GLCE: variants seen among roughly 807,000 people sequenced by gnomAD.
GLCE encodes glucuronic acid epimerase.
A neutral mutation model predicts 47.9 loss-of-function variants in GLCE; 19 were observed. That is an observed-to-expected ratio of 0.40 (90% CI 0.28 to 0.58). GLCE has a LOEUF of 0.58. Among genes scored for constraint, GLCE ranks in the 20% least tolerant of loss-of-function variants. The pLI, the probability that GLCE is intolerant of heterozygous loss-of-function variation, is 0.48. For missense variants in GLCE, 556 were observed against 743.3 expected, an observed-to-expected ratio of 0.75 and a Z score of 2.93; for synonymous variants, 245 against 263.4, an observed-to-expected ratio of 0.93 and a Z score of 0.68.
intron 1 of GLCE, among the ~76,000 whole-genome samples, chr15:69,203,969 T>G (rs2052112929): frequency 1.3e-5 from 2 of 152,174 alleles, no homozygotes; most frequent in African/African-American, 4.8e-5. Context: ...AGGAACCAGA[T>G]AGATTAAATA....
intron 1 of GLCE, chr15:69,196,312 A>G (rs1239537245): frequency 6.5e-6 from 1 of 152,802 alleles, no homozygotes; most frequent in African/African-American, 2.4e-5. Flanking sequence ...ATTGGAATAC[A>G]TTATTAAATA....
intron 1 of GLCE, among the ~76,000 whole-genome samples, chr15:69,203,567 AGCTACT>A (rs1380804254): frequency 1.3e-5 from 2 of 152,142 alleles, no homozygotes; most frequent in African/African-American, 2.4e-5. Context: ...AGTGAATTAT[AGCTACT>A]GCACACACAT....
At chr15:69,182,149 G>T (rs755478891) in intron 1 of GLCE, among the ~76,000 whole-genome samples, 1 of 152,052 alleles carries the variant, frequency 6.6e-6, no homozygotes, top group African/African-American at 2.4e-5. Context: ...TTATGTAAGA[G>T]AGTGGCAGAA....
intron 3 of GLCE, among the ~76,000 whole-genome samples, chr15:69,257,402 T>C (rs2052941723): frequency 6.6e-6 from 1 of 152,160 alleles, no homozygotes; most frequent in East Asian, 1.9e-4. Context: ...GCAGTGATAC[T>C]GTCATGGCTT....
chr15:69,267,671 T>C (rs2140458971), intron 4 of GLCE, among the ~76,000 whole-genome samples: 1 of 152,302 alleles, frequency 6.6e-6, no homozygotes, highest in South Asian at 2.1e-4. Flanking sequence ...ATCCATAAAG[T>C]AATAGTAATA....
chr15:69,218,964 CTGCAAATAATACTTTTAAACTGTTT>C (rs1001577152), intron 2 of GLCE, among the ~76,000 whole-genome samples: 1 of 152,038 alleles, frequency 6.6e-6, no homozygotes, highest in Non-Finnish European at 1.5e-5. Flanking sequence ...ACTCATATAG[CTGCAAATAATACTTTTAAACTGTTT>C]TGTCAATAAA....
chr15:69,227,299 A>G, intron 2 of GLCE, among the ~76,000 whole-genome samples: 1 of 152,184 alleles, frequency 6.6e-6, no homozygotes, highest in East Asian at 1.9e-4. Context: ...GGGTATCCAG[A>G]TAATCATTAG....
intron 1 of GLCE, among the ~76,000 whole-genome samples, chr15:69,204,570 C>T (rs986444502): frequency 7.2e-5 from 11 of 152,048 alleles, no homozygotes; most frequent in African/African-American, 2.7e-4. Flanking sequence ...CAAGCATGAG[C>T]CACCTTGCCT....
At chr15:69,166,205 TGCCA>T (rs553481308) in intron 1 of GLCE, among the ~76,000 whole-genome samples, 83 of 152,326 alleles carry the variant, frequency 5.4e-4, no homozygotes, top group Non-Finnish European at 1.0e-3. Flanking sequence ...TTACATACAT[TGCCA>T]TTCATTTTCA....
intron 3 of GLCE, among the ~76,000 whole-genome samples, chr15:69,257,627 G>A (rs1364775778): frequency 6.6e-6 from 1 of 152,154 alleles, no homozygotes; most frequent in African/African-American, 2.4e-5. Context: ...TCACAAACAT[G>A]AGGCACTGTG....
At chr15:69,162,199 T>G (rs1441447892) in intron 1 of GLCE, among the ~76,000 whole-genome samples, 1 of 152,186 alleles carries the variant, frequency 6.6e-6, no homozygotes, top group East Asian at 1.9e-4. Flanking sequence ...GAATTCTGCT[T>G]AACAGTTTCA....
At chr15:69,232,186 A>G (rs2052534750) in intron 2 of GLCE, among the ~76,000 whole-genome samples, 1 of 152,214 alleles carries the variant, frequency 6.6e-6, no homozygotes, top group Non-Finnish European at 1.5e-5. Flanking sequence ...AATTTTAATT[A>G]TTTGAGAATG....
Position 69,240,306 on chromosome 15 carries a change from A to T in GLCE, c.-13-15488A>T, listed in dbSNP as rs199542137. Among the ~76,000 whole-genome samples the T allele has an allele frequency of 5.7e-4, 11 of 19,344 alleles. No homozygotes were observed. The Admixed American group carries it at 8.6e-3, about 15-fold the overall frequency. 12.7% of individuals were successfully genotyped at this position (19,344 alleles called of 152,430 possible). A position where few individuals can be genotyped will look rare whatever the true frequency, so the allele number is the denominator to read the frequency against. ...CTCAAAAAAAAAAAAAAAAAAAAAA[A>T]AAAAGAAAAGAAATATTGAGGAGAC... On this transcript the variant is annotated intron_variant, in intron 2 of 4. Coordinates refer to ENST00000261858, the MANE Select transcript of GLCE (RefSeq NM_015554.3).
At chr15:69,243,221 A>G (rs951496119) in intron 2 of GLCE, among the ~76,000 whole-genome samples, 1 of 152,146 alleles carries the variant, frequency 6.6e-6, no homozygotes, top group Non-Finnish European at 1.5e-5. Context: ...ATGAATTTCC[A>G]CACCTGAGCT....
At chr15:69,254,137 G>A (rs1171577720) in intron 2 of GLCE, among the ~76,000 whole-genome samples, 2 of 152,098 alleles carry the variant, frequency 1.3e-5, no homozygotes, top group Admixed American at 6.6e-5. Flanking sequence ...GATTAAAAAC[G>A]ATAAAATTAG....
chr15:69,197,061 A>G, intron 1 of GLCE: 1 of 330,484 alleles, frequency 3.0e-6, no homozygotes, highest in Admixed American at 3.2e-5. Context: ...ACATCTGAGA[A>G]GTATGCTCAA....
rs1345059856 is a variant in GLCE at position 69,245,309 on chromosome 15, G to C, written c.-13-10485G>C. The stretch of plus-strand genomic sequence containing the variant: ...GATCACATCACTGCACTCCAGCCTG[G>C]GAGACAGAGCAAGACTCTGTCTCAA... On this transcript the variant is annotated intron_variant, in intron 2 of 4. Coordinates refer to ENST00000261858, the MANE Select transcript of GLCE (RefSeq NM_015554.3). Among the ~76,000 whole-genome samples the C allele has an allele frequency of 2.7e-5, 4 of 147,450 alleles. No individual in the cohort carries two copies. The East Asian group carries it at 7.9e-4, about 29-fold the overall frequency.
At chr15:69,221,383 G>A (rs2052375243) in intron 2 of GLCE, among the ~76,000 whole-genome samples, 1 of 152,040 alleles carries the variant, frequency 6.6e-6, no homozygotes, top group Admixed American at 6.5e-5. Flanking sequence ...ATGAACATGC[G>A]ATATGTTTCT....
chr15:69,190,064 A>G (rs1445500277), intron 1 of GLCE, among the ~76,000 whole-genome samples: 8 of 152,004 alleles, frequency 5.3e-5, no homozygotes, highest in East Asian at 1.9e-4. Context: ...ATTCAGAAGT[A>G]TATTGTTTAG....
Sources: gnomAD v4.1 joint callset for allele counts (sites outside exome capture counted in the v4.1 genomes callset) on GRCh38, gnomAD v4.1.1 for gene constraint, MANE v1.5 for transcripts, NCBI Gene and HGNC (gene_info 2026-07-23, HGNC 2026-07-21) for gene names.